The following TAF1 variants were observed in gnomAD, a reference collection of about 807,000 sequenced individuals.
TAF1 encodes transcription initiation factor TFIID subunit 1.
In TAF1, 2 loss-of-function variants were observed where a neutral mutation model predicts 138.5. That is an observed-to-expected ratio of 0.01 (90% CI 0.01 to 0.05). The LOEUF (loss-of-function observed/expected upper bound fraction) is 0.05. TAF1 is among the 10% of genes least tolerant of loss of function. The pLI is 1.00. For synonymous variants in TAF1, 437 were observed against 503.2 expected (o/e 0.87, Z 1.76); for missense variants, 709 against 1,478.0 (o/e 0.48, Z 8.53).
intron 34 of TAF1, 77 bp downstream of exon 34, chrX:71,454,934 G>A (rs1013624361): frequency 5.0e-6 from 6 of 1,189,528 alleles, no homozygotes; most frequent in East Asian, 3.0e-5. Flanking sequence ...TAACAAATCC[G>A]TTTACTGAGA....
downstream of TAF1, among the ~76,000 whole-genome samples, chrX:71,468,514 C>T (rs775473652): frequency 6.6e-4 from 71 of 108,077 alleles, no homozygotes; most frequent in East Asian, 5.9e-3. Context: ...GGTGAAACCC[C>T]GTCTCTACTA....
rs555754514 is a variant in TAF1, at chrX:71,396,587, C to T, written c.3407-666C>T. ...GATTATAGGCATGAGCCACTGTACT[C>T]GGCCTTGTGTGCTTTTATCTGTAAT... On this transcript the variant is annotated intron_variant, in intron 22 of 37. Coordinates refer to ENST00000423759, the MANE Select transcript of TAF1 (RefSeq NM_004606.5). Among the ~76,000 whole-genome samples, 14 of 111,682 alleles carry T rather than the reference C, an allele frequency of 1.3e-4. 1 individual carries two copies. Among genetic ancestry groups the T allele is most frequent in the African/African-American group, 4.5e-4 (14 of 30,776 alleles).
intron 13 of TAF1, among the ~76,000 whole-genome samples, chrX:71,527,584 A>G (rs2040022081): frequency 9.0e-6 from 1 of 110,909 alleles, no homozygotes; most frequent in Non-Finnish European, 1.9e-5. Context: ...GGAAATTGAT[A>G]AAGATAATTC....
intron 24 of TAF1, among the ~76,000 whole-genome samples, chrX:71,399,839 A>G (rs754408469): frequency 3.7e-5 from 4 of 107,060 alleles, no homozygotes; most frequent in South Asian, 4.0e-4. Context: ...TCAAGCGGCA[A>G]TCCTGCCTCA....
downstream of TAF1, among the ~76,000 whole-genome samples, chrX:71,467,669 G>A (rs954627977): frequency 2.7e-5 from 3 of 111,597 alleles, no homozygotes; most frequent in African/African-American, 9.8e-5. Flanking sequence ...AATCTAGTTT[G>A]TAGTCTCCCT....
At chrX:71,467,321 T>A (rs920311319), downstream of TAF1, among the ~76,000 whole-genome samples, 1 of 110,154 alleles carries the variant, frequency 9.1e-6, no homozygotes, top group Non-Finnish European at 1.9e-5. Flanking sequence ...TCAAGCATAA[T>A]AACCCAGAAC....
At chrX:71,400,960 G>C (rs1354608921) in intron 24 of TAF1, among the ~76,000 whole-genome samples, 4 of 112,001 alleles carry the variant, frequency 3.6e-5, no homozygotes, top group African/African-American at 1.3e-4. Context: ...CCTTTTTCTT[G>C]TTTTGACTAG....
At chrX:71,510,401 C>G (rs1354233280) in intron 13 of TAF1, among the ~76,000 whole-genome samples, 2 of 111,289 alleles carry the variant, frequency 1.8e-5, no homozygotes, top group African/African-American at 6.5e-5. Flanking sequence ...GGTTTCCTCA[C>G]AAGGTCACAA....
rs2037425241 is a variant in TAF1, at chrX:71,441,582, C to CAATATA, written c.4754-12588_4754-12587insAATATA. 3 of 240,159 alleles carry CAATATA rather than the reference C, an allele frequency of 1.2e-5. No homozygotes were observed. In the Admixed American group the frequency reaches 1.9e-4, roughly 15 times the overall value. 19.8% of individuals were successfully genotyped at this position (240,159 alleles called of 1,213,427 possible). Reference sequence around the variant, plus strand: ...TGTGTTGAGAATGTGCAACATCCTTCTAGCTATTTGAAACTATATATTGTA... The same window carrying CAATATA: ...TGTGTTGAGAATGTGCAACATCCTTCAATATATAGCTATTTGAAACTATATATTGTA... On this transcript the variant is annotated intron_variant, in intron 32 of 37. Coordinates refer to ENST00000423759, the MANE Select transcript of TAF1 (RefSeq NM_004606.5).
intron 1 of TAF1, among the ~76,000 whole-genome samples, chrX:71,367,149 GCC>G (rs2032593531): frequency 8.9e-6 from 1 of 112,442 alleles, no homozygotes; most frequent in South Asian, 3.7e-4. Flanking sequence ...GACCGAACGA[GCC>G]CCGCCTCGAC....
intron 32 of TAF1, among the ~76,000 whole-genome samples, chrX:71,436,281 T>A (rs751389889): frequency 9.9e-6 from 1 of 101,451 alleles, no homozygotes; most frequent in East Asian, 3.1e-4. Context: ...AGTGGCGCGA[T>A]CTCGGCTCAC....
chrX:71,408,097 G>A lies in TAF1; in HGVS notation c.4330G>A (p.Glu1444Lys). Reference sequence around the variant, plus strand: ...GCGTAAACGCCTCTACCCATCTCGGGAAGAGTTCAGAGAGCATCTGGAGCT... The same window carrying A: ...GCGTAAACGCCTCTACCCATCTCGGAAAGAGTTCAGAGAGCATCTGGAGCT... ...NVRKRLYPSR[E>K]EFREHLELIV... Residue 1444 changes from glutamate to lysine, a missense_variant, in exon 28 of 38, where the codon GAA (glutamate) becomes AAA (lysine). By Grantham distance (56) the Glu-to-Lys change is moderately conservative. Around this residue, in one of 14 missense-constraint regions of TAF1, gnomAD observed 63 missense variants for 163.3 expected, o/e 0.39. Transcript: ENST00000423759. The A allele has an allele frequency of 8.3e-7, 1 of 1,211,569 alleles. No homozygotes were observed. Among genetic ancestry groups the A allele is most frequent in the Non-Finnish European group, 1.1e-6 (1 of 895,544 alleles).
At chrX:71,389,166 T>C (rs991958298) in intron 17 of TAF1, among the ~76,000 whole-genome samples, 1 of 111,812 alleles carries the variant, frequency 8.9e-6, no homozygotes, top group African/African-American at 3.2e-5. Context: ...CTTTGCAAGA[T>C]AAGCATATAA....
At chrX:71,529,759 G>T in exon 15 of TAF1, 1 of 331,393 alleles carries the variant, frequency 3.0e-6, no homozygotes, top group Non-Finnish European at 5.9e-6. Context: ...TGGATTGGAA[G>T]AATGAACCAA....
At chrX:71,491,416 G>C (rs1310034263) in intron 13 of TAF1, among the ~76,000 whole-genome samples, 1 of 110,965 alleles carries the variant, frequency 9.0e-6, no homozygotes, top group Non-Finnish European at 1.9e-5. Flanking sequence ...GGAAAGGGAA[G>C]CATCTGGGGC....
chrX:71,382,674 A>G lies in TAF1; in HGVS notation c.1665+11A>G. ...GAGGAACCACAGCAGGTGTGTGAAG[A>G]AAAAAGGGGCTTGGTGTTTAGAAGA... On this transcript the variant is annotated intron_variant, in intron 10 of 37. Coordinates refer to ENST00000423759, the MANE Select transcript of TAF1 (RefSeq NM_004606.5). 1 of 1,205,928 alleles carries G rather than the reference A, an allele frequency of 8.3e-7. No homozygotes were observed. Among genetic ancestry groups the G allele is most frequent in the Non-Finnish European group, 1.1e-6 (1 of 893,902 alleles).
In TAF1 at chrX:71,377,818, T is replaced by C. The variant is rs139324935; in HGVS notation, c.930T>C (p.Asp310=). 2.5e-6 allele frequency: 3 copies of C among 1,199,298 alleles called. No individual in the cohort carries two copies. In the African/African-American group the frequency reaches 5.3e-5, roughly 21 times the overall value. ...CTCCAGAGCAGTGTCTCTCTGATGA[T>C]GAAGTAGGCAAAATAGAGACCTGAG... is the stretch of plus-strand genomic sequence containing the variant. ...PPPPEQCLSD[D]EITMMAPVES... The change falls in exon 6 of 38, where the codon GAT becomes GAC. Residue 310 remains aspartate (D), a synonymous_variant. Transcript: ENST00000423759.
At chrX:71,406,513 G>T in intron 25 of TAF1, 125 bp from the exon 26 acceptor site, 1 of 607,553 alleles carries the variant, frequency 1.6e-6, no homozygotes. Context: ...TTGGCCTTTG[G>T]TTTGGCTTTT....
At chrX:71,479,779 G>A (rs1237259567) in intron 13 of TAF1, among the ~76,000 whole-genome samples, 1 of 110,933 alleles carries the variant, frequency 9.0e-6, no homozygotes, top group East Asian at 2.8e-4. Context: ...TACCATAAAT[G>A]TCAGATATAC....
Sources: allele counts gnomAD v4.1 joint callset (sites outside exome capture counted in the v4.1 genomes callset), GRCh38; gene constraint gnomAD v4.1.1; regional missense constraint gnomAD v4.1.1; transcripts MANE v1.5; gene names NCBI Gene and HGNC (gene_info 2026-07-23, HGNC 2026-07-21).